DGKI: variants seen among roughly 807,000 people sequenced by gnomAD.
DGKI encodes diacylglycerol kinase iota, also known as DAG kinase iota.
In DGKI, 55 loss-of-function variants were observed where a neutral mutation model predicts 147.5. The ratio of observed to expected loss-of-function variants is 0.37; its 90% CI spans 0.30 to 0.47. The LOEUF (loss-of-function observed/expected upper bound fraction) is 0.47, where lower values mean the gene tolerates loss of function less well. Among genes scored for constraint, DGKI ranks in the 20% least tolerant of loss-of-function variants. The pLI is 1.00. For synonymous variants in DGKI, 469 were observed against 477.1 expected, an observed-to-expected ratio of 0.98 and a Z score of 0.22; for missense variants, 1,007 against 1,323.8, an observed-to-expected ratio of 0.76 and a Z score of 3.71.
chr7:137,433,796 G>A (rs1270027165), intron 28 of DGKI, among the ~76,000 whole-genome samples: 1 of 152,164 alleles, frequency 6.6e-6, no homozygotes, highest in Non-Finnish European at 1.5e-5. Context: ...CACCTTGTCT[G>A]ATGGCCCCTT....
At chr7:137,578,215 C>A in intron 16 of DGKI, 55 bp downstream of exon 16, 1 of 1,258,774 alleles carries the variant, frequency 7.9e-7, no homozygotes, top group South Asian at 1.2e-5. Context: ...TTATGATACA[C>A]AGTGAATTGG....
At chr7:137,426,734 G>A (rs1459543910) in intron 28 of DGKI, among the ~76,000 whole-genome samples, 1 of 151,166 alleles carries the variant, frequency 6.6e-6, no homozygotes, top group Non-Finnish European at 1.5e-5. Context: ...AACAAAAAAA[G>A]GCAGGGGTTG....
At chr7:137,534,619 G>C (rs563875353) in intron 20 of DGKI, among the ~76,000 whole-genome samples, 1 of 151,898 alleles carries the variant, frequency 6.6e-6, no homozygotes, top group African/African-American at 2.4e-5. Flanking sequence ...ATGAATAATA[G>C]GGTAATGTTC....
intron 22 of DGKI, 23 bp downstream of exon 22, chr7:137,487,587 A>G: frequency 6.2e-7 from 1 of 1,605,188 alleles, no homozygotes. Context: ...GAGGAGAATA[A>G]AAAATTGGCT....
chr7:137,739,708 C>T (rs1389258994), intron 1 of DGKI, among the ~76,000 whole-genome samples: 1 of 152,166 alleles, frequency 6.6e-6, no homozygotes. Flanking sequence ...AAAAGTGCTA[C>T]ACGCATGTGT....
chr7:137,534,825 T>C lies in DGKI; in HGVS notation c.2148-12859A>G, dbSNP rs146635718. ...ATTGGTAAGTTGAAGTTCTAACCCA[T>C]AGCTCTTCAGAATGTGACTGTATTT... is the stretch of plus-strand genomic sequence containing the variant. On this transcript the variant is annotated intron_variant, in intron 20 of 32. Coordinates refer to ENST00000614521, the MANE Select transcript of DGKI (RefSeq NM_001321708.2). Among the ~76,000 whole-genome samples the C allele has an allele frequency of 6.0e-4, 92 of 152,236 alleles. 2 individuals are homozygous for C. The South Asian group carries it at 0.018, about 30-fold the overall frequency.
chr7:137,745,982 G>T (rs1338523602), intron 1 of DGKI, among the ~76,000 whole-genome samples: 1 of 152,076 alleles, frequency 6.6e-6, no homozygotes, highest in Admixed American at 6.5e-5. Flanking sequence ...AAACAGAAAT[G>T]TGCTACAATT....
intron 1 of DGKI, among the ~76,000 whole-genome samples, chr7:137,745,006 C>T (rs1375258883): frequency 6.6e-6 from 1 of 152,146 alleles, no homozygotes; most frequent in Admixed American, 6.6e-5. Context: ...ATGTTCACTA[C>T]TTGGATGACA....
intron 20 of DGKI, among the ~76,000 whole-genome samples, chr7:137,548,954 C>CT (rs1817955873): frequency 6.6e-6 from 1 of 152,166 alleles, no homozygotes; most frequent in Non-Finnish European, 1.5e-5. Flanking sequence ...AAGTGAGCCT[C>CT]TGTCTCAATA....
intron 20 of DGKI, among the ~76,000 whole-genome samples, chr7:137,523,659 A>G (rs1240475741): frequency 1.3e-5 from 2 of 152,132 alleles, no homozygotes; most frequent in African/African-American, 4.8e-5. Flanking sequence ...CCATCACTCA[A>G]ATTGTGTTTG....
intron 21 of DGKI, among the ~76,000 whole-genome samples, chr7:137,495,751 T>C (rs938435846): frequency 2.0e-5 from 3 of 152,064 alleles, no homozygotes; most frequent in Non-Finnish European, 4.4e-5. Context: ...TTTGACAAAA[T>C]TCAACATCCC....
intron 1 of DGKI, among the ~76,000 whole-genome samples, chr7:137,739,690 C>T (rs891515181): frequency 2.6e-5 from 4 of 152,098 alleles, no homozygotes; most frequent in African/African-American, 9.7e-5. Context: ...AAGGGTTTAG[C>T]GAATGTAAAA....
intron 1 of DGKI, among the ~76,000 whole-genome samples, chr7:137,693,259 G>A (rs921367323): frequency 2.0e-5 from 3 of 151,998 alleles, no homozygotes; most frequent in African/African-American, 7.2e-5. Flanking sequence ...AAAAATCAAT[G>A]GGGTTTCAAC....
chr7:137,501,537 G>C (rs1029213028), intron 21 of DGKI, among the ~76,000 whole-genome samples: 2 of 152,120 alleles, frequency 1.3e-5, no homozygotes, highest in African/African-American at 4.8e-5. Context: ...TGATGCAAAA[G>C]ACAGTCAAAT....
chr7:137,471,547 T>C (rs895187519), intron 23 of DGKI, among the ~76,000 whole-genome samples: 2 of 152,134 alleles, frequency 1.3e-5, no homozygotes, highest in Non-Finnish European at 2.9e-5. Context: ...GAAACACAAA[T>C]TTCCAGGGCC....
intron 2 of DGKI, among the ~76,000 whole-genome samples, chr7:137,679,219 C>T (rs73731004): frequency 0.038 from 5,841 of 152,270 alleles, 328 homozygotes; most frequent in African/African-American, 0.13. Flanking sequence ...TAATTCACAT[C>T]TTACTAATTC....
intron 27 of DGKI, among the ~76,000 whole-genome samples, chr7:137,449,559 G>A (rs998902933): frequency 7.9e-5 from 12 of 152,114 alleles, no homozygotes; most frequent in East Asian, 3.9e-4. Flanking sequence ...AAAGCTCCAC[G>A]ACATCGGTCT....
At chr7:137,415,654 A>G (rs1213802761) in intron 28 of DGKI, among the ~76,000 whole-genome samples, 3 of 152,180 alleles carry the variant, frequency 2.0e-5, no homozygotes, top group African/African-American at 7.2e-5. Context: ...AGTTAATGCA[A>G]AGCCTTGTAA....
intron 27 of DGKI, among the ~76,000 whole-genome samples, chr7:137,453,573 G>C (rs1020136994): frequency 3.9e-5 from 6 of 152,166 alleles, no homozygotes; most frequent in African/African-American, 1.2e-4. Context: ...GAAAGTTACA[G>C]CAAACACACA....
Sources: gnomAD v4.1 joint callset for allele counts (sites outside exome capture counted in the v4.1 genomes callset) on GRCh38, gnomAD v4.1.1 for gene constraint, MANE v1.5 for transcripts, NCBI Gene and HGNC (gene_info 2026-07-23, HGNC 2026-07-21) for gene names.